Variants in ASAP1 observed in about 807,000 individuals in gnomAD.
The protein encoded by ASAP1 is ArfGAP with SH3 domain, ankyrin repeat and PH domain 1.
In ASAP1, 43 loss-of-function variants were observed where a neutral mutation model predicts 145.2. That is an observed-to-expected ratio of 0.30 (90% CI 0.23 to 0.38). The LOEUF (loss-of-function observed/expected upper bound fraction) is 0.38, where lower values mean the gene tolerates loss of function less well. Among genes scored for constraint, ASAP1 ranks in the 10% least tolerant of loss-of-function variants. ASAP1 has a pLI of 1.00. For synonymous variants in ASAP1, 546 were observed against 515.5 expected, an observed-to-expected ratio of 1.06 and a Z score of -0.80; for missense variants, 1,018 against 1,355.3, an observed-to-expected ratio of 0.75 and a Z score of 3.91.
chr8:130,266,394 T>G (rs1007984232), intron 3 of ASAP1, among the ~76,000 whole-genome samples: 46 of 152,144 alleles, frequency 3.0e-4, no homozygotes, highest in African/African-American at 1.1e-3. Flanking sequence ...AATAAGTGGT[T>G]GTAGGGGGGA....
intron 3 of ASAP1, among the ~76,000 whole-genome samples, chr8:130,254,446 C>T (rs1819393050): frequency 6.6e-6 from 1 of 151,980 alleles, no homozygotes; most frequent in Admixed American, 6.6e-5. Flanking sequence ...ATGATAGCTG[C>T]GGCATGAACC....
chr8:130,061,313 G>C (rs1564915169), intron 27 of ASAP1, among the ~76,000 whole-genome samples: 2 of 151,962 alleles, frequency 1.3e-5, no homozygotes. Context: ...CATTCATCCA[G>C]AATTAAAAAA....
intron 25 of ASAP1, among the ~76,000 whole-genome samples, chr8:130,081,485 C>T (rs1256495245): frequency 6.6e-6 from 1 of 152,138 alleles, no homozygotes; most frequent in Non-Finnish European, 1.5e-5. Context: ...CAGCAGCCTC[C>T]TCTCCTCCTC....
rs181239593 is a variant in ASAP1 at position 130,289,997 on chromosome 8, G to A, written c.187-53003C>T. ...AATAACAGTGGACCTATAATTGCAC[G>A]TACCCCATTGTACATGGTCATTTAT... On this transcript the variant is annotated intron_variant, in intron 3 of 29. Transcript: ENST00000518721. 8.6e-5 allele frequency among the ~76,000 whole-genome samples: 13 copies of A among 152,038 alleles called. No individual in the cohort carries two copies. The East Asian group carries it at 1.2e-3, about 14-fold the overall frequency.
intron 4 of ASAP1, among the ~76,000 whole-genome samples, chr8:130,230,008 T>C (rs1166791058): frequency 6.6e-6 from 1 of 152,050 alleles, no homozygotes; most frequent in African/African-American, 2.4e-5. Context: ...AAGGATGCCG[T>C]GAGTGAGACT....
chr8:130,266,099 T>C (rs1273035558), intron 3 of ASAP1, among the ~76,000 whole-genome samples: 2 of 151,970 alleles, frequency 1.3e-5, no homozygotes, highest in Non-Finnish European at 2.9e-5. Context: ...AAACTTAGAT[T>C]CCCTCCCAAA....
At chr8:130,112,048 C>G in intron 24 of ASAP1, 46 bp downstream of exon 24, 1 of 1,549,860 alleles carries the variant, frequency 6.5e-7, no homozygotes, top group Admixed American at 1.7e-5. Flanking sequence ...GATGGAGTCA[C>G]AAGCCCTTCG....
At chr8:130,278,249 G>A (rs1433545350) in intron 3 of ASAP1, among the ~76,000 whole-genome samples, 1 of 152,054 alleles carries the variant, frequency 6.6e-6, no homozygotes, top group African/African-American at 2.4e-5. Flanking sequence ...GCATTTCAAG[G>A]TATTGAGTCC....
At chr8:130,266,301 A>C (rs948455204) in intron 3 of ASAP1, among the ~76,000 whole-genome samples, 4 of 152,008 alleles carry the variant, frequency 2.6e-5, no homozygotes, top group African/African-American at 9.7e-5. Flanking sequence ...AGTGGAATCC[A>C]CTCTCAAGCT....
intron 3 of ASAP1, among the ~76,000 whole-genome samples, chr8:130,278,762 G>C (rs532192158): frequency 4.7e-4 from 71 of 152,242 alleles, no homozygotes; most frequent in Non-Finnish European, 8.4e-4. Flanking sequence ...GAAGAGAGGG[G>C]GAGCTGTTGT....
At chr8:130,299,925 G>A (rs1320507312) in intron 3 of ASAP1, among the ~76,000 whole-genome samples, 3 of 151,960 alleles carry the variant, frequency 2.0e-5, no homozygotes, top group Non-Finnish European at 2.9e-5. Context: ...ACAAATCTTC[G>A]TGGTGGACTG....
intron 16 of ASAP1, 30 bp from the exon 17 acceptor site, chr8:130,126,119 CA>C: frequency 1.3e-6 from 2 of 1,577,528 alleles, no homozygotes; most frequent in Admixed American, 1.9e-5. Context: ...GACAATGAAA[CA>C]AAAAAGACAT....
chr8:130,442,735 G>A (rs927508004), intron 1 of ASAP1, among the ~76,000 whole-genome samples: 1 of 152,114 alleles, frequency 6.6e-6, no homozygotes, highest in Admixed American at 6.5e-5. Context: ...ATTATTAAAG[G>A]AAACTGCTTT....
At chr8:130,058,227 T>C in intron 28 of ASAP1, 151 bp from the exon 29 acceptor site, 1 of 802,952 alleles carries the variant, frequency 1.2e-6, no homozygotes, top group Non-Finnish European at 2.0e-6. Flanking sequence ...GAAGAGTGTC[T>C]GTCAGGCACC....
In ASAP1 at chr8:130,262,484, C is replaced by G. The variant is rs1217342713; in HGVS notation, c.187-25490G>C. Among the ~76,000 whole-genome samples, 30 of 131,476 alleles carry G rather than the reference C, an allele frequency of 2.3e-4. No individual in the cohort carries two copies. The Admixed American group carries it at 2.4e-3, about 11-fold the overall frequency. 86.3% of individuals were successfully genotyped at this position (131,476 alleles called of 152,430 possible). ...CCTGTGGAATTTCAGATAGGTTAGA[C>G]AGAAGGTTTATTCACTACTCTCTCC... On this transcript the variant is annotated intron_variant, in intron 3 of 29. Transcript: ENST00000518721.
At chr8:130,426,938 C>A (rs1829941024) in intron 1 of ASAP1, among the ~76,000 whole-genome samples, 1 of 152,206 alleles carries the variant, frequency 6.6e-6, no homozygotes, top group Non-Finnish European at 1.5e-5. Flanking sequence ...TTTTCTCTGT[C>A]ATGTTTGCTA....
At chr8:130,110,957 G>A (rs2097545707) in intron 24 of ASAP1, among the ~76,000 whole-genome samples, 1 of 152,146 alleles carries the variant, frequency 6.6e-6, no homozygotes, top group Non-Finnish European at 1.5e-5. Flanking sequence ...GACCAAACTT[G>A]AAGCTATAGC....
intron 3 of ASAP1, 55 bp from the exon 4 acceptor site, chr8:130,237,049 T>C: frequency 7.4e-7 from 1 of 1,349,482 alleles, no homozygotes. Context: ...ATTAAAAAAA[T>C]AATAAGAAAA....
At chr8:130,262,435 A>G (rs1819984333) in intron 3 of ASAP1, among the ~76,000 whole-genome samples, 2 of 137,602 alleles carry the variant, frequency 1.5e-5, no homozygotes, top group Non-Finnish European at 1.6e-5. Context: ...AGAGAGAGAG[A>G]GAGAGAGAGA....
Sources: gnomAD v4.1 joint callset for allele counts (sites outside exome capture counted in the v4.1 genomes callset) on GRCh38, gnomAD v4.1.1 for gene constraint, MANE v1.5 for transcripts, NCBI Gene and HGNC (gene_info 2026-07-23, HGNC 2026-07-21) for gene names.